The following TAF13 variants were observed in gnomAD, a reference collection of about 807,000 sequenced individuals.
TAF13 encodes TATA-box binding protein associated factor 13, also known as transcription initiation factor TFIID subunit 13.
Under a neutral mutation model 18.7 loss-of-function variants are expected in TAF13, and 9 were observed. The observed-to-expected ratio is 0.48, with a 90% CI of 0.29 to 0.84. TAF13 has a LOEUF of 0.84. Ranked by LOEUF, TAF13 falls within the 40% of genes least tolerant of loss-of-function variation. The pLI, the probability that TAF13 is intolerant of heterozygous loss-of-function variation, is 0.08. For synonymous variants in TAF13, 49 were observed against 44.1 expected (o/e 1.11, Z -0.44); for missense variants, 105 against 146.5 (o/e 0.72, Z 1.46).
At chr1:109,074,641 G>A (rs991572281) in intron 2 of TAF13, among the ~76,000 whole-genome samples, 1 of 152,144 alleles carries the variant, frequency 6.6e-6, no homozygotes, top group African/African-American at 2.4e-5. Flanking sequence ...TTAGGTGGGC[G>A]TGGTGGCCGG....
intron 2 of TAF13, among the ~76,000 whole-genome samples, chr1:109,067,406 C>A (rs947655259): frequency 4.6e-5 from 7 of 151,380 alleles, no homozygotes; most frequent in African/African-American, 1.7e-4. Context: ...TGAGATCAGC[C>A]TGGCCAACAA....
Position 109,064,550 on chromosome 1 carries a change from T to A in TAF13, c.348A>T (p.Ala116=). The change falls in exon 4 of 4, where the codon GCA becomes GCT. Residue 116 remains alanine (A), a synonymous_variant. Transcript: ENST00000338366. ...AAGATCCATAATTTGCTTCATCAAATGCTTTTCTAGCTCGTTTCAATTCTT... is the reference window on the plus strand; with the variant it reads ...AAGATCCATAATTTGCTTCATCAAAAGCTTTTCTAGCTCGTTTCAATTCTT... ...MNEELKRARK[A]FDEANYGS 6.5e-7 allele frequency: 1 copy of A among 1,537,806 alleles called. No individual in the cohort carries two copies. The highest frequency in any genetic ancestry group is 1.3e-5 in the South Asian group (1 of 77,524).
chr1:109,064,648 C>T lies in TAF13; in HGVS notation c.250G>A (p.Glu84Lys). ...SIGRQGRVQV[E>K]DIVFLIRKDP... ...TTTCGAATCAAGAAGACGATATCTT[C>T]AACTTGTACTCGACCTTGTCTTCCA... The change falls in exon 4 of 4, where the codon GAA becomes AAA. Residue 84 changes from glutamate to lysine, a missense_variant. Transcript: ENST00000338366. 2 of 1,569,558 alleles carry T rather than the reference C, an allele frequency of 1.3e-6. No homozygotes were observed. The highest frequency in any genetic ancestry group is 1.7e-6 in the Non-Finnish European group (2 of 1,158,046).
intron 1 of TAF13, 54 bp downstream of exon 1, chr1:109,075,867 C>G: frequency 6.2e-7 from 1 of 1,613,074 alleles, no homozygotes; most frequent in South Asian, 1.1e-5. Context: ...GCCTCCGCTA[C>G]TGAGCCCGAA....
At chr1:109,073,593 C>CT (rs943772007) in intron 2 of TAF13, among the ~76,000 whole-genome samples, 1 of 152,198 alleles carries the variant, frequency 6.6e-6, no homozygotes, top group Non-Finnish European at 1.5e-5. Context: ...GTCTCCGCTC[C>CT]TGACCTCGAG....
intron 2 of TAF13, among the ~76,000 whole-genome samples, chr1:109,073,879 A>G (rs1338599155): frequency 6.6e-6 from 1 of 151,200 alleles, no homozygotes; most frequent in Non-Finnish European, 1.5e-5. Flanking sequence ...CTGGGATGTG[A>G]GGAGCGCCTC....
chr1:109,073,452 G>C (rs1020971442), intron 2 of TAF13, among the ~76,000 whole-genome samples: 2 of 152,094 alleles, frequency 1.3e-5, no homozygotes, highest in African/African-American at 2.4e-5. Context: ...CTCTGTTGCC[G>C]AGGCTGGACT....
intron 2 of TAF13, among the ~76,000 whole-genome samples, chr1:109,072,748 A>T (rs1386912392): frequency 7.1e-6 from 1 of 140,680 alleles, no homozygotes; most frequent in African/African-American, 2.7e-5. Flanking sequence ...TCTAGCCTCC[A>T]TGTCACTATA....
intron 2 of TAF13, among the ~76,000 whole-genome samples, chr1:109,073,414 T>C (rs1664110381): frequency 2.0e-5 from 3 of 152,066 alleles, no homozygotes; most frequent in Admixed American, 6.5e-5. Flanking sequence ...CTCCCCCTCG[T>C]CTGCGTCTCC....
chr1:109,075,564 T>C (rs924997882), intron 1 of TAF13, among the ~76,000 whole-genome samples: 1 of 152,184 alleles, frequency 6.6e-6, no homozygotes, highest in African/African-American at 2.4e-5. Flanking sequence ...ATCCAGGCTG[T>C]CTGACTTTCA....
intron 2 of TAF13, among the ~76,000 whole-genome samples, chr1:109,070,311 C>T (rs924601626): frequency 2.4e-4 from 36 of 151,706 alleles, no homozygotes; most frequent in African/African-American, 8.5e-4. Context: ...CTCTGCCTCC[C>T]GGGTTCAAGC....
At chr1:109,065,555 A>G (rs1007169759) in intron 3 of TAF13, among the ~76,000 whole-genome samples, 2 of 152,012 alleles carry the variant, frequency 1.3e-5, no homozygotes, top group South Asian at 4.1e-4. Flanking sequence ...GGAAAAAAAA[A>G]AACCTATGTT....
At chr1:109,073,723 A>G (rs1356464675) in intron 2 of TAF13, among the ~76,000 whole-genome samples, 3 of 151,462 alleles carry the variant, frequency 2.0e-5, no homozygotes, top group Non-Finnish European at 4.4e-5. Flanking sequence ...TACAACCTCC[A>G]CCTCCCAGCT....
intron 1 of TAF13, among the ~76,000 whole-genome samples, chr1:109,075,542 G>A (rs1664164921): frequency 1.3e-5 from 2 of 152,148 alleles, no homozygotes; most frequent in Admixed American, 6.6e-5. Flanking sequence ...CAGAGAGAAT[G>A]GAAATTTTGA....
Position 109,064,301 on chromosome 1 carries a change from G to A in TAF13, c.*222C>T, listed in dbSNP as rs1663913364. Reference sequence around the variant, plus strand: ...TGCAAGGTACTTTGACTTATGTGTGGTCATTAAAACCCAGTAAGTAATTCA... The same window carrying A: ...TGCAAGGTACTTTGACTTATGTGTGATCATTAAAACCCAGTAAGTAATTCA... On this transcript the variant is annotated 3_prime_UTR_variant, in exon 4 of 4. Transcript: ENST00000338366. 2.9e-6 allele frequency: 1 copy of A among 339,042 alleles called. No individual in the cohort carries two copies. Among genetic ancestry groups the A allele is most frequent in the Non-Finnish European group, 5.2e-6 (1 of 190,884 alleles). 21.0% of individuals were successfully genotyped at this position (339,042 alleles called of 1,614,324 possible).
chr1:109,071,890 T>G (rs372885288), intron 2 of TAF13, among the ~76,000 whole-genome samples: 1 of 149,682 alleles, frequency 6.7e-6, no homozygotes, highest in South Asian at 2.1e-4. Flanking sequence ...AGGCAGAGGC[T>G]GCAGTGAGCC....
chr1:109,075,918 C>T lies in TAF13; in HGVS notation c.27+3G>A. On this transcript the variant is annotated splice_donor_region_variant and intron_variant, in intron 1 of 3. Coordinates refer to ENST00000338366, the MANE Select transcript of TAF13 (RefSeq NM_005645.4). ...CAGGTTTTGGACAGAGACGGTCACT[C>T]ACCGTGGGGTCTTCTTCCTCATCTG... 9.3e-6 allele frequency: 15 copies of T among 1,614,248 alleles called. No individual in the cohort carries two copies. The highest frequency in any genetic ancestry group is 1.3e-5 in the Non-Finnish European group (15 of 1,180,052).
At chr1:109,066,056 T>C (rs1008979283) in intron 3 of TAF13, 79 bp downstream of exon 3, 3 of 1,191,142 alleles carry the variant, frequency 2.5e-6, no homozygotes, top group Non-Finnish European at 3.6e-6. Flanking sequence ...AGGGATGCCA[T>C]AAGTTCTAGT....
chr1:109,072,530 C>T (rs1353069972), intron 2 of TAF13, among the ~76,000 whole-genome samples: 1 of 150,266 alleles, frequency 6.7e-6, no homozygotes, highest in Admixed American at 6.6e-5. Context: ...CTGCAACCTC[C>T]ACCTCCTGGG....
Sources: allele counts gnomAD v4.1 joint callset (sites outside exome capture counted in the v4.1 genomes callset), GRCh38; gene constraint gnomAD v4.1.1; transcripts MANE v1.5; gene names NCBI Gene and HGNC (gene_info 2026-07-23, HGNC 2026-07-21).